Variants in RBM44 observed in about 807,000 individuals in gnomAD.
RBM44 encodes the protein RNA binding motif protein 44, also known as RNA-binding protein 44.
RBM44 carries 66 observed loss-of-function variants against 105.1 expected under a neutral mutation model. The observed-to-expected ratio is 0.63, with a 90% CI of 0.52 to 0.77. The LOEUF (loss-of-function observed/expected upper bound fraction) is 0.77, where lower values mean the gene tolerates loss of function less well. Among genes scored for constraint, RBM44 ranks in the 30% least tolerant of loss-of-function variants. RBM44 has a pLI of 0.00. For synonymous variants in RBM44, 365 were observed against 417.6 expected, an observed-to-expected ratio of 0.87 and a Z score of 1.54; for missense variants, 1,122 against 1,207.8, an observed-to-expected ratio of 0.93 and a Z score of 1.05.
At position 237,827,520 on chromosome 2, in the gene RBM44, T is replaced by G; in HGVS notation, c.2600+17T>G. On this transcript the variant is annotated intron_variant, in intron 12 of 15. Coordinates refer to ENST00000316997, the MANE Select transcript of RBM44 (RefSeq NM_001080504.3). ...TAATTACAGGTGTGTTTCCCAACTT[T>G]AATCAATGTGCATTATTATGTGTCT... The G allele has an allele frequency of 7.5e-7, 1 of 1,328,946 alleles. No individual in the cohort carries two copies. The allele number at this position is 1,328,946 out of a possible 1,614,324, so 82.3% of individuals were successfully genotyped here.
chr2:237,839,173 A>T (rs139839225), intron 15 of RBM44, among the ~76,000 whole-genome samples: 1 of 152,178 alleles, frequency 6.6e-6, no homozygotes, highest in East Asian at 1.9e-4. Context: ...CTTTTTCTAC[A>T]TATGTGCCAG....
At chr2:237,836,130 C>T (rs1394578054) in intron 15 of RBM44, among the ~76,000 whole-genome samples, 3 of 152,254 alleles carry the variant, frequency 2.0e-5, no homozygotes, top group South Asian at 2.1e-4. Context: ...AGGACAGGCA[C>T]GCTCTCTTGT....
intron 15 of RBM44, among the ~76,000 whole-genome samples, chr2:237,837,839 T>C (rs561149738): frequency 7.3e-5 from 11 of 151,540 alleles, no homozygotes; most frequent in African/African-American, 2.6e-4. Flanking sequence ...TGCAGTCTAC[T>C]ACTGGTGAAC....
chr2:237,827,637 G>T, intron 12 of RBM44, 134 bp downstream of exon 12: 1 of 619,180 alleles, frequency 1.6e-6, no homozygotes, highest in East Asian at 2.8e-5. Context: ...CAGGGAAGGG[G>T]ACATAGGGAC....
In RBM44 at chr2:237,817,601, T is replaced by C. The variant is rs1488464732; in HGVS notation, c.682T>C (p.Cys228Arg). ...ELGNSGYEVK[C>R]ASNVEDNRVN... Reference sequence around the variant, plus strand: ...AGGAAATTCGGGTTATGAAGTTAAATGTGCTAGCAATGTAGAAGATAATCG... The same window carrying C: ...AGGAAATTCGGGTTATGAAGTTAAACGTGCTAGCAATGTAGAAGATAATCG... Residue 228 changes from cysteine (C) to arginine (R), a missense_variant, in exon 3 of 16, where the codon TGT becomes CGT. Cys to Arg is a radical substitution (Grantham distance 180). Around this residue, in one of 3 missense-constraint regions of RBM44, gnomAD observed 918 missense variants for 955.3 expected, o/e 0.96. Coordinates refer to ENST00000316997, the MANE Select transcript of RBM44 (RefSeq NM_001080504.3). 17 of 1,612,974 alleles carry C rather than the reference T, an allele frequency of 1.1e-5. No individual in the cohort carries two copies. Among genetic ancestry groups the C allele is most frequent in the Admixed American group, 3.3e-5 (2 of 59,828 alleles).
At position 237,834,058 on chromosome 2, in the gene RBM44, A is replaced by G. The variant is rs761958084; in HGVS notation, c.2948A>G (p.Gln983Arg). The change falls in exon 14 of 16, where the codon CAA becomes CGA. Residue 983 changes from glutamine (Q) to arginine (R), a missense_variant. Coordinates refer to ENST00000316997, the MANE Select transcript of RBM44 (RefSeq NM_001080504.3). The stretch of plus-strand genomic sequence containing the variant: ...AAATTATTACCTGATACACCCGTTC[A>G]ATTCATACCTCCAAATACATTGAAC... ...SAKLLPDTPV[Q>R]FIPPNTLNLR... The G allele has an allele frequency of 2.8e-4, 438 of 1,577,106 alleles. 1 individual carries two copies. The highest frequency in any genetic ancestry group is 1.4e-3 in the South Asian group (118 of 86,126).
chr2:237,826,892 A>T (rs866344612), intron 10 of RBM44, among the ~76,000 whole-genome samples: 1 of 152,136 alleles, frequency 6.6e-6, no homozygotes, highest in African/African-American at 2.4e-5. Flanking sequence ...GCCATTTTAC[A>T]TAAGGGACTT....
In RBM44 at chr2:237,836,633, A is replaced by T. The variant is rs2061961830; in HGVS notation, c.*22+2210A>T. Among the ~76,000 whole-genome samples the T allele has an allele frequency of 2.0e-5, 3 of 152,102 alleles. No homozygotes were observed. The South Asian group carries it at 6.2e-4, about 32-fold the overall frequency. ...CGTCTCTACTAAAAATACAAAAATTAGCTGGGCGTGGTGGCGTGCACCTAT... is the reference window on the plus strand; with the variant it reads ...CGTCTCTACTAAAAATACAAAAATTTGCTGGGCGTGGTGGCGTGCACCTAT... On this transcript the variant is annotated intron_variant, in intron 15 of 15. Transcript: ENST00000316997.
chr2:237,805,592 C>T (rs1459083316), intron 1 of RBM44, among the ~76,000 whole-genome samples: 3 of 152,202 alleles, frequency 2.0e-5, no homozygotes, highest in African/African-American at 7.2e-5. Context: ...AGTCATTAGT[C>T]ATATGCAGAA....
rs375782477 is a variant in RBM44, at chr2:237,829,248, G to A, written c.2632G>A (p.Asp878Asn). The A allele has an allele frequency of 3.7e-5, 60 of 1,611,640 alleles. 1 individual carries two copies. Among genetic ancestry groups the A allele is most frequent in the Admixed American group, 1.2e-4 (7 of 59,726 alleles). The change falls in exon 13 of 16, where the codon GAT (aspartate) becomes AAT (asparagine). Residue 878 changes from aspartate (D) to asparagine (N), a missense_variant. Coordinates refer to ENST00000316997, the MANE Select transcript of RBM44 (RefSeq NM_001080504.3). ...YASLAFTKNS[D>N]AKIAVKEMNG... is the part of the protein sequence containing the mutation. ...ATCTCTTGCTTTTACAAAAAACAGC[G>A]ATGCAAAGATAGCTGTGAAAGAAAT... is the stretch of plus-strand genomic sequence containing the variant.
intron 1 of RBM44, among the ~76,000 whole-genome samples, chr2:237,808,581 A>G (rs2061623245): frequency 6.6e-6 from 1 of 152,166 alleles, no homozygotes. Context: ...AGAACTATAG[A>G]AAGAATTTGT....
intron 15 of RBM44, among the ~76,000 whole-genome samples, chr2:237,838,486 A>G (rs991216812): frequency 1.4e-5 from 2 of 142,194 alleles, no homozygotes; most frequent in African/African-American, 2.5e-5. Flanking sequence ...GTAGGTCTCA[A>G]TCAATATTGA....
chr2:237,800,812 C>T (rs754932391), intron 1 of RBM44, among the ~76,000 whole-genome samples: 5 of 151,416 alleles, frequency 3.3e-5, no homozygotes, highest in Admixed American at 6.6e-5. Flanking sequence ...CTGCAACCTC[C>T]GCCTCCCAGG....
intron 1 of RBM44, among the ~76,000 whole-genome samples, chr2:237,805,391 T>C (rs1649288243): frequency 6.6e-6 from 1 of 152,098 alleles, no homozygotes; most frequent in South Asian, 2.1e-4. Flanking sequence ...AGAATAAATA[T>C]TGTAAAAATG....
At chr2:237,820,406 T>C in intron 5 of RBM44, 55 bp downstream of exon 5, 1 of 1,087,738 alleles carries the variant, frequency 9.2e-7, no homozygotes, top group Non-Finnish European at 1.3e-6. Context: ...TAGCTTTAAG[T>C]TTATTCTAGA....
At chr2:237,820,523 C>G (rs1208561197) in intron 5 of RBM44, 172 bp downstream of exon 5, 3 of 472,472 alleles carry the variant, frequency 6.3e-6, no homozygotes, top group Non-Finnish European at 1.1e-5. Flanking sequence ...ATGGAGGGGC[C>G]ACAGTGCGTG....
chr2:237,837,660 G>GATTCACAAAAAAT (rs2061973493), intron 15 of RBM44, among the ~76,000 whole-genome samples: 2 of 143,780 alleles, frequency 1.4e-5, no homozygotes, highest in Non-Finnish European at 3.2e-5. Context: ...AGCAAAGAAA[G>GATTCACAAAAAAT]TGCTCTCTTT....
intron 5 of RBM44, 90 bp downstream of exon 5, chr2:237,820,441 A>C: frequency 1.2e-6 from 1 of 828,586 alleles, no homozygotes; most frequent in Non-Finnish European, 1.8e-6. Context: ...TTCATTTTTG[A>C]AGAGTAAAAT....
rs974922747 is a variant in RBM44, at chr2:237,829,331, A to T, written c.2715A>T (p.Gly905=). The T allele has an allele frequency of 2.9e-5, 46 of 1,613,462 alleles. No individual in the cohort carries two copies. The highest frequency in any genetic ancestry group is 6.6e-5 in the South Asian group (6 of 91,078). The change falls in exon 13 of 16, where the codon GGA becomes GGT. Residue 905 remains glycine (G), a synonymous_variant. Coordinates refer to ENST00000316997, the MANE Select transcript of RBM44 (RefSeq NM_001080504.3). ...SVNVWPVKIL[G]EYTSPLSSKN... ...ATGTGTGGCCTGTTAAAATTCTTGG[A>T]GAATATACATCACCACTTTCCTCCA...
Sources: allele counts gnomAD v4.1 joint callset (sites outside exome capture counted in the v4.1 genomes callset), GRCh38; gene constraint gnomAD v4.1.1; regional missense constraint gnomAD v4.1.1; transcripts MANE v1.5; gene names NCBI Gene and HGNC (gene_info 2026-07-23, HGNC 2026-07-21).